Variants in CSMD2 observed in about 807,000 individuals in gnomAD.
The protein encoded by CSMD2 is CUB and Sushi multiple domains 2.
CSMD2 carries 130 observed loss-of-function variants against 398.5 expected under a neutral mutation model. The observed-to-expected ratio is 0.33, with a 90% confidence interval of 0.28 to 0.38. CSMD2 has a LOEUF of 0.38. CSMD2 is among the 10% of genes least tolerant of loss of function. The pLI is 1.00. For synonymous variants in CSMD2, 1,828 were observed against 1,908.5 expected (o/e 0.96, Z 1.10); for missense variants, 3,829 against 4,764.9 (o/e 0.80, Z 5.78).
intron 6 of CSMD2, among the ~76,000 whole-genome samples, chr1:33,830,134 T>C (rs1489273664): frequency 6.6e-6 from 1 of 152,160 alleles, no homozygotes; most frequent in Admixed American, 6.5e-5. Flanking sequence ...AATGCCCCCA[T>C]CTGACAGCTT....
intron 27 of CSMD2, among the ~76,000 whole-genome samples, chr1:33,657,389 A>G (rs939822516): frequency 6.6e-6 from 1 of 152,130 alleles, no homozygotes; most frequent in African/African-American, 2.4e-5. Context: ...TAGGAGTATC[A>G]CTTGAGCTCA....
chr1:33,743,874 C>A (rs929819528), intron 13 of CSMD2, among the ~76,000 whole-genome samples: 9 of 152,190 alleles, frequency 5.9e-5, no homozygotes, highest in Admixed American at 1.3e-4. Flanking sequence ...CTGGTCAGCA[C>A]GCCCACCTAG....
At chr1:33,523,709 G>T (rs1654517096) in intron 66 of CSMD2, among the ~76,000 whole-genome samples, 1 of 152,200 alleles carries the variant, frequency 6.6e-6, no homozygotes, top group South Asian at 2.1e-4. Context: ...ATATGATTTT[G>T]TCTTTTAATC....
chr1:34,103,251 A>G (rs1660165808), intron 1 of CSMD2, among the ~76,000 whole-genome samples: 1 of 130,524 alleles, frequency 7.7e-6, no homozygotes, highest in South Asian at 2.6e-4. Context: ...ATATAATGAT[A>G]TGTTTATGTG....
intron 5 of CSMD2, among the ~76,000 whole-genome samples, chr1:33,912,995 T>C (rs1002992233): frequency 2.6e-5 from 4 of 152,044 alleles, no homozygotes; most frequent in Non-Finnish European, 5.9e-5. Context: ...GTATTTTTTG[T>C]AGAGACAGGT....
chr1:33,826,163 G>A (rs1404287918), intron 6 of CSMD2, among the ~76,000 whole-genome samples: 1 of 152,190 alleles, frequency 6.6e-6, no homozygotes, highest in Non-Finnish European at 1.5e-5. Flanking sequence ...CTTCTCCACA[G>A]CTTTTTCTCT....
intron 29 of CSMD2, among the ~76,000 whole-genome samples, chr1:33,639,634 T>G (rs1481343541): frequency 6.6e-6 from 1 of 152,198 alleles, no homozygotes; most frequent in Admixed American, 6.5e-5. Context: ...ATTTGGCACA[T>G]AATAGAGGCT....
intron 6 of CSMD2, among the ~76,000 whole-genome samples, chr1:33,828,692 C>T (rs560452255): frequency 1.5e-4 from 23 of 152,230 alleles, no homozygotes; most frequent in African/African-American, 4.6e-4. Flanking sequence ...TCTCTTCTCA[C>T]GGTTGCATTG....
chr1:33,650,544 A>G (rs1348546375), intron 28 of CSMD2, among the ~76,000 whole-genome samples: 1 of 139,560 alleles, frequency 7.2e-6, no homozygotes, highest in Non-Finnish European at 1.6e-5. Flanking sequence ...AGGGCTTAGG[A>G]TGGGGTGGGC....
chr1:34,055,312 C>A (rs1294327724), intron 2 of CSMD2, among the ~76,000 whole-genome samples: 3 of 152,214 alleles, frequency 2.0e-5, no homozygotes, highest in Non-Finnish European at 4.4e-5. Context: ...AACAAGCAAT[C>A]ATTTCTGCAG....
intron 2 of CSMD2, among the ~76,000 whole-genome samples, chr1:34,070,590 C>G (rs1049749023): frequency 6.6e-6 from 1 of 152,306 alleles, no homozygotes; most frequent in South Asian, 2.1e-4. Flanking sequence ...AACAATCAAA[C>G]GGAATTGAGA....
At chr1:33,672,952 C>T (rs900525700) in intron 25 of CSMD2, among the ~76,000 whole-genome samples, 3 of 140,916 alleles carry the variant, frequency 2.1e-5, no homozygotes, top group Admixed American at 7.2e-5. Flanking sequence ...CACACCAAAA[C>T]CCCATCTGTA....
chr1:33,646,282 G>A (rs1320221651), intron 29 of CSMD2, among the ~76,000 whole-genome samples: 1 of 152,188 alleles, frequency 6.6e-6, no homozygotes, highest in Non-Finnish European at 1.5e-5. Flanking sequence ...GGAAGATTGT[G>A]CCTCATATCA....
intron 32 of CSMD2, among the ~76,000 whole-genome samples, chr1:33,631,063 T>TA (rs200698820): frequency 8.0e-5 from 12 of 150,014 alleles, no homozygotes; most frequent in South Asian, 2.1e-4. Context: ...CAGAGATTAA[T>TA]AAAAAAAAGC....
chr1:33,962,546 C>T lies in CSMD2; in HGVS notation c.518-26592G>A, dbSNP rs1199076985. On this transcript the variant is annotated intron_variant, in intron 3 of 70. Transcript: ENST00000373381. ...GAAAAAATTTATTACTGCTTCTCTA[C>T]TCCAATGCCCCAACAGCTTCCCCTC... 2.0e-5 allele frequency among the ~76,000 whole-genome samples: 3 copies of T among 152,338 alleles called. No individual in the cohort carries two copies. The East Asian group carries it at 5.8e-4, about 29-fold the overall frequency.
intron 3 of CSMD2, among the ~76,000 whole-genome samples, chr1:33,993,216 G>A (rs1646619513): frequency 6.6e-6 from 1 of 152,198 alleles, no homozygotes; most frequent in South Asian, 2.1e-4. Flanking sequence ...CCTCTGAGAG[G>A]GGAAGGCAGG....
At chr1:33,600,359 A>G in intron 44 of CSMD2, 1 of 585,986 alleles carries the variant, frequency 1.7e-6, no homozygotes, top group Non-Finnish European at 3.1e-6. Flanking sequence ...CCAGATCCCT[A>G]ACTTGGGACT....
intron 40 of CSMD2, among the ~76,000 whole-genome samples, chr1:33,614,149 T>G (rs1641232157): frequency 8.2e-6 from 1 of 121,836 alleles, no homozygotes; most frequent in African/African-American, 2.6e-5. Flanking sequence ...ACCCCCGCCT[T>G]TTTTTTTAAG....
chr1:33,910,350 C>T (rs1470173077), intron 5 of CSMD2, among the ~76,000 whole-genome samples: 3 of 152,204 alleles, frequency 2.0e-5, no homozygotes, highest in Admixed American at 2.0e-4. Flanking sequence ...CACCAGGGCT[C>T]TTTTCGGCTC....
Sources: allele counts gnomAD v4.1 joint callset (sites outside exome capture counted in the v4.1 genomes callset), GRCh38; gene constraint gnomAD v4.1.1; transcripts MANE v1.5; gene names NCBI Gene and HGNC (gene_info 2026-07-23, HGNC 2026-07-21).